The following POC1A variants were observed in gnomAD, a reference collection of about 807,000 sequenced individuals.
POC1A encodes the protein POC1 centriolar protein A, also known as POC1 centriolar protein homolog A.
POC1A carries 34 observed loss-of-function variants against 47.8 expected under a neutral mutation model. The observed-to-expected ratio is 0.71, with a 90% CI of 0.54 to 0.95. The LOEUF is 0.95. Among genes scored for constraint, POC1A ranks in the 40% least tolerant of loss-of-function variants. The pLI is 0.00. For synonymous variants in POC1A, 177 were observed against 207.6 expected (o/e 0.85, Z 1.27); for missense variants, 466 against 528.3 (o/e 0.88, Z 1.16).
chr3:52,122,530 T>C (rs1703821001), intron 8 of POC1A, 53 bp from the exon 9 acceptor site: 2 of 1,127,616 alleles, frequency 1.8e-6, no homozygotes, highest in Non-Finnish European at 2.7e-6. Context: ...CCCTTGCCAG[T>C]CCTTCACTGA....
chr3:52,139,136 C>T (rs1350044037), intron 6 of POC1A, among the ~76,000 whole-genome samples: 1 of 152,178 alleles, frequency 6.6e-6, no homozygotes, highest in African/African-American at 2.4e-5. Flanking sequence ...CCATCCTGAG[C>T]AAGCATCTTA....
At chr3:52,112,265 C>T (rs756250674) in intron 9 of POC1A, among the ~76,000 whole-genome samples, 10 of 152,170 alleles carry the variant, frequency 6.6e-5, no homozygotes, top group East Asian at 1.9e-4. Flanking sequence ...GCAATTCTCC[C>T]GCCTCAGCCC....
chr3:52,102,431 T>C (rs1327761390), intron 9 of POC1A, among the ~76,000 whole-genome samples: 1 of 152,220 alleles, frequency 6.6e-6, no homozygotes, highest in Non-Finnish European at 1.5e-5. Flanking sequence ...TATGGCTACA[T>C]AACTCCAATC....
Position 52,082,849 on chromosome 3 carries a change from G to A in POC1A, c.1126-6864C>T, listed in dbSNP as rs151187315. Among the ~76,000 whole-genome samples the A allele has an allele frequency of 1.3e-3, 198 of 152,174 alleles. 1 individual carries two copies. The Middle Eastern group carries it at 0.017, about 13-fold the overall frequency. ...CTCCAAGTAGAAGAGGAACACTGGC[G>A]ACATCTCAACAGATACCCCCAGTCT... is the stretch of plus-strand genomic sequence containing the variant. On this transcript the variant is annotated intron_variant, in intron 10 of 10. Coordinates refer to ENST00000296484, the MANE Select transcript of POC1A (RefSeq NM_015426.5).
At chr3:52,117,925 A>T (rs1703628106) in intron 9 of POC1A, among the ~76,000 whole-genome samples, 1 of 152,232 alleles carries the variant, frequency 6.6e-6, no homozygotes, top group South Asian at 2.1e-4. Context: ...GGAGGTGTTA[A>T]ATTCAAGATC....
chr3:52,122,362 C>A lies in POC1A; in HGVS notation c.981+17G>T. ...CCAGAGTCACAGAGCTCAGGACATG[C>A]CTGCCAAGCCACTTACCAGATTCCC... On this transcript the variant is annotated intron_variant, in intron 9 of 10. Transcript: ENST00000296484. 6.7e-7 allele frequency: 1 copy of A among 1,494,434 alleles called. No individual in the cohort carries two copies. Among genetic ancestry groups the A allele is most frequent in the Non-Finnish European group, 9.3e-7 (1 of 1,071,422 alleles). The allele number at this position is 1,494,434 out of a possible 1,614,324, so 92.6% of individuals were successfully genotyped here.
At chr3:52,116,602 C>A (rs1703573093) in intron 9 of POC1A, among the ~76,000 whole-genome samples, 1 of 152,186 alleles carries the variant, frequency 6.6e-6, no homozygotes, top group Admixed American at 6.5e-5. Flanking sequence ...ACCTCACTGG[C>A]CCTCACTACG....
At position 52,096,574 on chromosome 3, in the gene POC1A, T is replaced by C. The variant is rs550527960; in HGVS notation, c.1120A>G (p.Thr374Ala). 3.2e-6 allele frequency: 5 copies of C among 1,576,336 alleles called. No individual in the cohort carries two copies. The highest frequency in any genetic ancestry group is 3.4e-6 in the Non-Finnish European group (4 of 1,163,646). The change falls in exon 10 of 11, where the codon ACT becomes GCT. Residue 374 changes from threonine (T) to alanine (A), a missense_variant. Transcript: ENST00000296484. The part of the protein sequence containing the change: ...EHIVGQLDVL[T>A]QTVSILEQRL... Reference sequence around the variant, plus strand: ...GAACCCACAGTGTGGCCTACCTGAGTGAGGACATCCAGCTGGCCCACAATG... The same window carrying C: ...GAACCCACAGTGTGGCCTACCTGAGCGAGGACATCCAGCTGGCCCACAATG...
intron 4 of POC1A, among the ~76,000 whole-genome samples, chr3:52,148,852 T>C (rs932159844): frequency 1.2e-4 from 18 of 152,252 alleles, no homozygotes; most frequent in Non-Finnish European, 2.5e-4. Flanking sequence ...CTTGCAGAAC[T>C]GTCTTAAGGA....
At chr3:52,154,154 A>T (rs562317368) in intron 1 of POC1A, among the ~76,000 whole-genome samples, 2 of 152,386 alleles carry the variant, frequency 1.3e-5, no homozygotes, top group Non-Finnish European at 2.9e-5. Context: ...CCAGAAACCC[A>T]GCGCAGGGCC....
chr3:52,138,257 T>C lies in POC1A; in HGVS notation c.725A>G (p.Asn242Ser), dbSNP rs1698049524. 3 of 1,614,136 alleles carry C rather than the reference T, an allele frequency of 1.9e-6. No individual in the cohort carries two copies. In the South Asian group the frequency reaches 3.3e-5, roughly 18 times the overall value. The change falls in exon 7 of 11, where the codon AAC (asparagine) becomes AGC (serine). Residue 242 changes from asparagine to serine, a missense_variant. Asn to Ser is a conservative substitution (Grantham distance 46). Transcript: ENST00000296484. Reference sequence around the variant, plus strand: ...GTCACTGGAGGCTGTGATCAGGTAGTTTCCCGACGGGTGGAAAGAGAGCCC... The same window carrying C: ...GTCACTGGAGGCTGTGATCAGGTAGCTTCCCGACGGGTGGAAAGAGAGCCC... ...VNGLSFHPSG[N>S]YLITASSDST... is the part of the protein sequence containing the mutation.
chr3:52,087,062 G>T (rs1443029202), intron 10 of POC1A, among the ~76,000 whole-genome samples: 3 of 152,258 alleles, frequency 2.0e-5, no homozygotes, highest in Non-Finnish European at 2.9e-5. Context: ...CCCAGCGTGG[G>T]TCTTGGACCT....
chr3:52,116,777 G>C (rs376467982), intron 9 of POC1A, among the ~76,000 whole-genome samples: 1 of 152,164 alleles, frequency 6.6e-6, no homozygotes, highest in Non-Finnish European at 1.5e-5. Context: ...TGGGGCAGGC[G>C]TGGTAGTTCA....
intron 10 of POC1A, among the ~76,000 whole-genome samples, chr3:52,087,362 TA>T (rs1257207121): frequency 6.6e-6 from 1 of 152,104 alleles, no homozygotes; most frequent in Non-Finnish European, 1.5e-5. Flanking sequence ...AAACAATTTC[TA>T]AAAAAATTCC....
chr3:52,125,242 G>C, intron 7 of POC1A, 61 bp from the exon 8 acceptor site: 2 of 1,329,042 alleles, frequency 1.5e-6, no homozygotes, highest in East Asian at 4.6e-5. Flanking sequence ...AAATGCACAG[G>C]AAGAAAACGA....
In POC1A at chr3:52,146,932, G is replaced by C. The variant is rs894753300; in HGVS notation, c.563+56C>G. On this transcript the variant is annotated intron_variant, in intron 5 of 10. Transcript: ENST00000296484. ...AGGCCACTGGGCCTCCTCATGCCCAGGTCTGTGCTCTGTGCTTGAGCGCCT... is the reference window on the plus strand; with the variant it reads ...AGGCCACTGGGCCTCCTCATGCCCACGTCTGTGCTCTGTGCTTGAGCGCCT... The C allele has an allele frequency of 5.6e-6, 8 of 1,426,814 alleles. No individual in the cohort carries two copies. In the African/African-American group the frequency reaches 9.8e-5, roughly 17 times the overall value. 88.4% of individuals were successfully genotyped at this position (1,426,814 alleles called of 1,614,324 possible).
chr3:52,154,091 G>A (rs1048526616), intron 1 of POC1A, among the ~76,000 whole-genome samples: 2 of 152,268 alleles, frequency 1.3e-5, no homozygotes, highest in Admixed American at 6.5e-5. Context: ...GGACTTGGTC[G>A]TGTGTCCCTC....
intron 10 of POC1A, among the ~76,000 whole-genome samples, chr3:52,077,247 C>T (rs566649112): frequency 2.2e-4 from 33 of 152,376 alleles, no homozygotes; most frequent in Admixed American, 1.6e-3. Context: ...CGTGTGCTTT[C>T]CCAAGAGGTT....
chr3:52,083,120 G>A (rs1477160108), intron 10 of POC1A, among the ~76,000 whole-genome samples: 1 of 152,142 alleles, frequency 6.6e-6, no homozygotes, highest in East Asian at 1.9e-4. Flanking sequence ...GCTCCTCTGA[G>A]GTATGTGATG....
Sources: gnomAD v4.1 joint callset for allele counts (sites outside exome capture counted in the v4.1 genomes callset) on GRCh38, gnomAD v4.1.1 for gene constraint, MANE v1.5 for transcripts, NCBI Gene and HGNC (gene_info 2026-07-23, HGNC 2026-07-21) for gene names.